Variants in ACAA2 observed in about 807,000 individuals in gnomAD.
The protein encoded by ACAA2 is 3-ketoacyl-CoA thiolase, mitochondrial.
ACAA2 carries 35 observed loss-of-function variants against 44.8 expected under a neutral mutation model. The observed-to-expected ratio is 0.78, with a 90% CI of 0.60 to 1.04. The LOEUF (loss-of-function observed/expected upper bound fraction) is 1.04. Among genes scored for constraint, ACAA2 ranks in the 50% least tolerant of loss-of-function variants. The pLI, the probability that ACAA2 is intolerant of heterozygous loss-of-function variation, is 0.00. For missense variants in ACAA2, 468 were observed against 482.6 expected (o/e 0.97, Z 0.28); for synonymous variants, 142 against 166.5 (o/e 0.85, Z 1.13).
intron 1 of ACAA2, among the ~76,000 whole-genome samples, chr18:49,809,784 A>G (rs912031126): frequency 3.3e-5 from 5 of 152,264 alleles, no homozygotes; most frequent in Non-Finnish European, 5.9e-5. Flanking sequence ...GCATGACACT[A>G]TAATACTGAC....
chr18:49,802,715 T>C lies in ACAA2; in HGVS notation c.155A>G (p.Asp52Gly), dbSNP rs145040105. Reference sequence around the variant, plus strand: ...CAGGACATTGCCCATAATCACACTGTCAACTGTTTCAGGTGAGACTTTGCC... The same window carrying C: ...CAGGACATTGCCCATAATCACACTGCCAACTGTTTCAGGTGAGACTTTGCC... ...SAGKVSPETV[D>G]SVIMGNVLQS... Residue 52 changes from aspartate (D) to glycine (G), a missense_variant, in exon 2 of 10, where the codon GAC (aspartate) becomes GGC (glycine). Transcript: ENST00000285093. 1.2e-6 allele frequency: 2 copies of C among 1,614,042 alleles called. No individual in the cohort carries two copies. Among genetic ancestry groups the C allele is most frequent in the African/African-American group, 2.7e-5 (2 of 74,918 alleles).
chr18:49,796,909 A>C (rs1363973175), intron 3 of ACAA2, among the ~76,000 whole-genome samples: 1 of 152,172 alleles, frequency 6.6e-6, no homozygotes, highest in African/African-American at 2.4e-5. Context: ...CAGGGTGCCT[A>C]GCATGTAGGA....
At chr18:49,790,087 T>C (rs2023380527) in intron 7 of ACAA2, among the ~76,000 whole-genome samples, 2 of 152,176 alleles carry the variant, frequency 1.3e-5, no homozygotes, top group Admixed American at 1.3e-4. Flanking sequence ...GATATCAAAA[T>C]AATAAATGCC....
chr18:49,801,814 A>ATC (rs1555790829), intron 2 of ACAA2, among the ~76,000 whole-genome samples: 12 of 135,002 alleles, frequency 8.9e-5, no homozygotes, highest in Admixed American at 3.0e-4. Flanking sequence ...ATATATATAT[A>ATC]TCTTATCTTT....
At chr18:49,804,180 G>A (rs1426193838) in intron 1 of ACAA2, among the ~76,000 whole-genome samples, 2 of 152,078 alleles carry the variant, frequency 1.3e-5, no homozygotes, top group Non-Finnish European at 2.9e-5. Flanking sequence ...CAAAGTGCTA[G>A]AATTACAGGC....
In ACAA2 at chr18:49,787,280, A is replaced by AAAAC. The variant is rs2023343845; in HGVS notation, c.954+7_954+10dup. ...GTTGTTAAAAAAAAAAAAAAAAAAA[A>AAAAC]AAACACTTACCTCTACCAAATCCAT... On this transcript the variant is annotated intron_variant, in intron 8 of 9. Coordinates refer to ENST00000285093, the MANE Select transcript of ACAA2 (RefSeq NM_006111.3). 2 of 1,466,074 alleles carry AAAAC rather than the reference A, an allele frequency of 1.4e-6. No homozygotes were observed. Among genetic ancestry groups the AAAAC allele is most frequent in the East Asian group, 2.7e-5 (1 of 36,968 alleles). The allele number at this position is 1,466,074 out of a possible 1,614,324, so 90.8% of individuals were successfully genotyped here.
At chr18:49,800,866 C>G (rs1001122807) in intron 2 of ACAA2, among the ~76,000 whole-genome samples, 2 of 137,874 alleles carry the variant, frequency 1.5e-5, no homozygotes, top group Non-Finnish European at 3.0e-5. Flanking sequence ...TCCCCCTCTG[C>G]GAGAAACACC....
At chr18:49,803,240 A>AATAATAATAATAATAATT (rs1430704231) in intron 1 of ACAA2, among the ~76,000 whole-genome samples, 7 of 6,626 alleles carry the variant, frequency 1.1e-3, no homozygotes, top group African/African-American at 5.5e-3. Flanking sequence ...TGGTAGTTAA[A>AATAATAATAATAATAATT]ATAATAATAA....
chr18:49,784,129 A>C (rs1278264095), intron 9 of ACAA2, among the ~76,000 whole-genome samples, 198 bp from the exon 10 acceptor site: 1 of 152,136 alleles, frequency 6.6e-6, no homozygotes, highest in Admixed American at 6.5e-5. Flanking sequence ...AAAAAACAAA[A>C]AACAAAGAAC....
chr18:49,793,988 T>G (rs2023435901), intron 5 of ACAA2, among the ~76,000 whole-genome samples: 1 of 152,174 alleles, frequency 6.6e-6, no homozygotes, highest in African/African-American at 2.4e-5. Flanking sequence ...GTATTCCTCA[T>G]CATGTTCTAC....
At chr18:49,784,249 C>T (rs777103532) in intron 9 of ACAA2, among the ~76,000 whole-genome samples, 4 of 151,996 alleles carry the variant, frequency 2.6e-5, no homozygotes, top group Non-Finnish European at 4.4e-5. Context: ...GTGTGTGTTA[C>T]GGGAAAGGAG....
At chr18:49,800,138 G>GC (rs1478749128) in intron 2 of ACAA2, among the ~76,000 whole-genome samples, 361 of 28,250 alleles carry the variant, frequency 0.013, 3 homozygotes, top group Middle Eastern at 0.036. Context: ...GTGGGGGTCA[G>GC]CCCCCGGCCG....
chr18:49,787,656 AAATAAT>A (rs941921243), intron 7 of ACAA2, among the ~76,000 whole-genome samples: 1 of 152,102 alleles, frequency 6.6e-6, no homozygotes, highest in Non-Finnish European at 1.5e-5. Flanking sequence ...AAAAGAAAAA[AAATAAT>A]AATAAAAATA....
At chr18:49,790,564 G>C (rs1041627912) in intron 7 of ACAA2, among the ~76,000 whole-genome samples, 2 of 152,198 alleles carry the variant, frequency 1.3e-5, no homozygotes, top group Non-Finnish European at 2.9e-5. Context: ...TACAGTGGGA[G>C]GTTATATGTA....
At position 49,783,788 on chromosome 18, in the gene ACAA2, T is replaced by C. The variant is rs1461580248; in HGVS notation, c.*59A>G. 11 of 1,456,332 alleles carry C rather than the reference T, an allele frequency of 7.6e-6. No individual in the cohort carries two copies. Among genetic ancestry groups the C allele is most frequent in the Middle Eastern group, 2.4e-4 (1 of 4,238 alleles). 90.2% of individuals were successfully genotyped at this position (1,456,332 alleles called of 1,614,324 possible). A position where few individuals can be genotyped will look rare whatever the true frequency, so the allele number is the denominator to read the frequency against. ...TGGCAGCTGCTCTGAAGGTCACTTG[T>C]TTTACTGTGGCCTGGCCAAGTAGAG... On this transcript the variant is annotated 3_prime_UTR_variant, in exon 10 of 10. Coordinates refer to ENST00000285093, the MANE Select transcript of ACAA2 (RefSeq NM_006111.3).
chr18:49,791,563 T>C lies in ACAA2; in HGVS notation c.790A>G (p.Ser264Gly). 6.2e-7 allele frequency: 1 copy of C among 1,613,418 alleles called. No homozygotes were observed. Among genetic ancestry groups the C allele is most frequent in the African/African-American group, 1.3e-5 (1 of 75,030 alleles). The change falls in exon 7 of 10, where the codon AGT (serine) becomes GGT (glycine). Residue 264 changes from serine (S) to glycine (G), a missense_variant. By Grantham distance (56) the Ser-to-Gly change is moderately conservative. Coordinates refer to ENST00000285093, the MANE Select transcript of ACAA2 (RefSeq NM_006111.3). ...ADGAGAVIIA[S>G]EDAVKKHNFT... ...TTATGTTTCTTAACAGCATCTTCAC[T>C]AGCTATGATAACAGCTCCAGCACCA...
chr18:49,806,703 A>C (rs1452486080), intron 1 of ACAA2, among the ~76,000 whole-genome samples: 1 of 152,248 alleles, frequency 6.6e-6, no homozygotes, highest in Admixed American at 6.5e-5. Context: ...AAGGATTTTA[A>C]AATAGCATTC....
chr18:49,805,115 A>G (rs1161796041), intron 1 of ACAA2, among the ~76,000 whole-genome samples: 1 of 152,224 alleles, frequency 6.6e-6, no homozygotes, highest in Admixed American at 6.5e-5. Context: ...AAGACAATCT[A>G]AGCTCACATT....
intron 7 of ACAA2, 97 bp downstream of exon 7, chr18:49,791,373 G>T: frequency 1.8e-6 from 2 of 1,121,976 alleles, no homozygotes; most frequent in Non-Finnish European, 2.6e-6. Context: ...TTCTCTACAG[G>T]TGACCTTGGT....
Sources: allele counts gnomAD v4.1 joint callset (sites outside exome capture counted in the v4.1 genomes callset), GRCh38; gene constraint gnomAD v4.1.1; transcripts MANE v1.5; gene names NCBI Gene and HGNC (gene_info 2026-07-23, HGNC 2026-07-21).